Variants in TRIP12 observed in about 807,000 individuals in gnomAD.
TRIP12 encodes the protein thyroid hormone receptor interactor 12.
In TRIP12, 25 loss-of-function variants were observed where a neutral mutation model predicts 244.2. That is an observed-to-expected ratio of 0.10 (90% CI 0.07 to 0.14). The LOEUF is 0.14. TRIP12 is among the 10% of genes least tolerant of loss of function. The probability of loss-of-function intolerance (pLI) is 1.00; values close to 1 mark genes in which losing one functional copy is unlikely to be tolerated. For synonymous variants in TRIP12, 905 were observed against 873.1 expected (o/e 1.04, Z -0.64); for missense variants, 1,677 against 2,486.4 (o/e 0.67, Z 6.92).
At position 229,774,214 on chromosome 2, in the gene TRIP12, G is replaced by A. The variant is rs373866354; in HGVS notation, c.5577C>T (p.Gly1859=). ...QYALETLTMN[G]CSVEDLGLDF... is the part of the protein sequence containing the mutation. The stretch of plus-strand genomic sequence containing the variant: ...CCAGTCCTAGATCTTCAACTGAGCA[G>A]CCATTCATAGTCAAGGTTTCTAATG... The change falls in exon 38 of 42, where the codon GGC becomes GGT. Residue 1859 remains glycine, a synonymous_variant. Transcript: ENST00000675903. 1.7e-5 allele frequency: 28 copies of A among 1,614,026 alleles called. No homozygotes were observed. In the African/African-American group the frequency reaches 3.5e-4, roughly 20 times the overall value.
rs575457257 is a variant in TRIP12, at chr2:229,881,152, T to C, written c.-49-1024A>G. Among the ~76,000 whole-genome samples the C allele has an allele frequency of 2.6e-5, 4 of 152,296 alleles. No homozygotes were observed. The East Asian group carries it at 5.8e-4, about 22-fold the overall frequency. On this transcript the variant is annotated intron_variant, in intron 1 of 41. Transcript: ENST00000675903. ...CAGTACGTTACCTACCTCAACAGAGTTGTCAGCAACAAGAAATTGCGAAAG... is the reference window on the plus strand; with the variant it reads ...CAGTACGTTACCTACCTCAACAGAGCTGTCAGCAACAAGAAATTGCGAAAG...
rs532485066 is a variant in TRIP12, at chr2:229,876,977, T to C, written c.98+3005A>G. 3.3e-5 allele frequency among the ~76,000 whole-genome samples: 5 copies of C among 152,246 alleles called. No homozygotes were observed. In the South Asian group the frequency reaches 1.0e-3, roughly 32 times the overall value. On this transcript the variant is annotated intron_variant, in intron 2 of 41. Transcript: ENST00000675903. ...ACCTCAAGTACTGAGATTATAGTCATGAGCCACCATGCTCGGCCTTACTCA... is the reference window on the plus strand; with the variant it reads ...ACCTCAAGTACTGAGATTATAGTCACGAGCCACCATGCTCGGCCTTACTCA...
upstream of TRIP12, chr2:229,923,093 G>A (rs1301356371): frequency 6.5e-6 from 1 of 154,546 alleles, no homozygotes. Flanking sequence ...CGCGTGCCAC[G>A]GCCACATCAA....
intron 32 of TRIP12, among the ~76,000 whole-genome samples, chr2:229,788,354 C>T (rs1363079099): frequency 1.3e-5 from 2 of 152,142 alleles, no homozygotes; most frequent in African/African-American, 4.8e-5. Flanking sequence ...ATCTCCCAGT[C>T]CATGTCTGTG....
chr2:229,878,094 A>T (rs1316152927), intron 2 of TRIP12, among the ~76,000 whole-genome samples: 1 of 152,226 alleles, frequency 6.6e-6, no homozygotes, highest in African/African-American at 2.4e-5. Flanking sequence ...CTGTGGACTA[A>T]GAAACTGAGG....
intron 1 of TRIP12, among the ~76,000 whole-genome samples, chr2:229,888,933 G>A (rs1034267569): frequency 1.3e-5 from 2 of 152,290 alleles, no homozygotes; most frequent in Admixed American, 6.5e-5. Flanking sequence ...AGAGACAATA[G>A]CCAGGAGAGA....
At chr2:229,837,081 T>C in intron 5 of TRIP12, 97 bp from the exon 6 acceptor site, 1 of 1,276,964 alleles carries the variant, frequency 7.8e-7, no homozygotes, top group East Asian at 2.8e-5. Context: ...ACAAAGCCAG[T>C]TTCTTCTTCG....
At chr2:229,877,080 CA>C (rs988189295) in intron 2 of TRIP12, among the ~76,000 whole-genome samples, 1 of 151,480 alleles carries the variant, frequency 6.6e-6, no homozygotes, top group African/African-American at 2.4e-5. Flanking sequence ...GCAAAAATCA[CA>C]ATTACTTTTG....
intron 1 of TRIP12, among the ~76,000 whole-genome samples, chr2:229,914,693 G>GAGT (rs2075040597): frequency 6.6e-6 from 1 of 152,164 alleles, no homozygotes; most frequent in Non-Finnish European, 1.5e-5. Flanking sequence ...CGGCTAGAGT[G>GAGT]AGTAGGAGTT....
At chr2:229,823,893 T>A (rs766023417) in intron 8 of TRIP12, among the ~76,000 whole-genome samples, 6 of 151,588 alleles carry the variant, frequency 4.0e-5, no homozygotes, top group Non-Finnish European at 7.4e-5. Context: ...TTATTAATAG[T>A]CTGACACTAT....
At chr2:229,870,715 T>C (rs2062406546) in intron 2 of TRIP12, among the ~76,000 whole-genome samples, 1 of 152,238 alleles carries the variant, frequency 6.6e-6, no homozygotes, top group African/African-American at 2.4e-5. Flanking sequence ...TATCAAGTTT[T>C]AGTCTCTGAA....
chr2:229,858,538 T>A (rs1054168256), intron 4 of TRIP12, among the ~76,000 whole-genome samples: 6 of 152,146 alleles, frequency 3.9e-5, no homozygotes, highest in Non-Finnish European at 8.8e-5. Context: ...ACACAGACAC[T>A]AAAATGTGAT....
chr2:229,784,341 C>G (rs1416972397), intron 34 of TRIP12, among the ~76,000 whole-genome samples: 1 of 150,256 alleles, frequency 6.7e-6, no homozygotes, highest in Non-Finnish European at 1.5e-5. Flanking sequence ...ATCTGAATAG[C>G]CTATGTCTGA....
At chr2:229,833,010 C>T (rs2053854511) in intron 6 of TRIP12, among the ~76,000 whole-genome samples, 1 of 152,176 alleles carries the variant, frequency 6.6e-6, no homozygotes, top group South Asian at 2.1e-4. Context: ...AGAAATCTAA[C>T]CTGTTAGAGT....
rs546259227 is a variant in TRIP12 at position 229,858,148 on chromosome 2, G to A, written c.1027+624C>T. Among the ~76,000 whole-genome samples the A allele has an allele frequency of 2.0e-5, 3 of 152,266 alleles. No individual in the cohort carries two copies. In the East Asian group the frequency reaches 5.8e-4, roughly 29 times the overall value. On this transcript the variant is annotated intron_variant, in intron 4 of 41. Transcript: ENST00000675903. ...GGAGGCCGAGGTGAGCAGATCACTT[G>A]AGGTCAGAAGTTTGAGACCAACGTG...
In TRIP12 at chr2:229,797,743, C is replaced by A. The variant is rs757300735; in HGVS notation, c.3571G>T (p.Ala1191Ser). ...SSENMDGSNP[A>S]LNVLQRLCAA... ...CAAAGTCTCTGAAGGACATTCAATG[C>A]AGGGTTGCTTCCATCCATATTCTCA... The change falls in exon 24 of 42, where the codon GCA becomes TCA. Residue 1191 changes from alanine to serine, a missense_variant. Transcript: ENST00000675903. 6.2e-7 allele frequency: 1 copy of A among 1,614,020 alleles called. No individual in the cohort carries two copies.
intron 6 of TRIP12, among the ~76,000 whole-genome samples, chr2:229,835,839 C>G (rs900617853): frequency 1.3e-5 from 2 of 152,182 alleles, no homozygotes; most frequent in African/African-American, 4.8e-5. Flanking sequence ...GACTGTGAGT[C>G]ACAACCAGTT....
chr2:229,844,389 T>TTC (rs2057145407), intron 4 of TRIP12, among the ~76,000 whole-genome samples: 1 of 152,216 alleles, frequency 6.6e-6, no homozygotes, highest in Admixed American at 6.5e-5. Flanking sequence ...TTACTCTTAG[T>TTC]TATGTTATGT....
chr2:229,875,073 T>C (rs1390377294), intron 2 of TRIP12, among the ~76,000 whole-genome samples: 2 of 151,704 alleles, frequency 1.3e-5, no homozygotes, highest in East Asian at 1.9e-4. Flanking sequence ...TGATTTCCTA[T>C]AGAAGAAAAA....
Sources: allele counts gnomAD v4.1 joint callset (sites outside exome capture counted in the v4.1 genomes callset), GRCh38; gene constraint gnomAD v4.1.1; transcripts MANE v1.5; gene names NCBI Gene and HGNC (gene_info 2026-07-23, HGNC 2026-07-21).